RYR1: variants seen among roughly 807,000 people sequenced by gnomAD.
The protein encoded by RYR1 is central core disease of muscle.
RYR1 carries 342 observed loss-of-function variants against 583.5 expected under a neutral mutation model. The observed-to-expected ratio is 0.59, with a 90% confidence interval of 0.54 to 0.64. The LOEUF is 0.64. RYR1 is among the 30% of genes least tolerant of loss of function. The pLI is 0.00. For synonymous variants in RYR1, 2,791 were observed against 2,822.5 expected (o/e 0.99, Z 0.35); for missense variants, 6,032 against 6,917.2 (o/e 0.87, Z 4.54).
intron 73 of RYR1, 108 bp downstream of exon 73, chr19:38,527,892 G>A: frequency 7.3e-7 from 1 of 1,363,840 alleles, no homozygotes. Flanking sequence ...TAAGTTTTGG[G>A]GCAGGGCAGG....
intron 20 of RYR1, among the ~76,000 whole-genome samples, chr19:38,462,582 T>C (rs918450101): frequency 2.0e-5 from 3 of 150,368 alleles, no homozygotes; most frequent in Non-Finnish European, 4.4e-5. Flanking sequence ...CGCTACTGTC[T>C]ACTAGGCTCT....
rs1969601439 is a variant in RYR1, at chr19:38,492,579, G to A, written c.6217G>A (p.Val2073Met). Residue 2073 changes from valine (V) to methionine (M), a missense_variant, in exon 38 of 106, where the codon GTG becomes ATG. Val to Met is a conservative substitution (Grantham distance 21, BLOSUM62 1). Transcript: ENST00000359596. ...LMSLLEKVRL[V>M]KKKEEKPEEE... ...GAGCCTGTTGGAGAAAGTGCGGCTG[G>A]TGAAGAAGAAGGAAGAGAAACCTGA... 1.9e-6 allele frequency: 3 copies of A among 1,611,984 alleles called. No homozygotes were observed. Among genetic ancestry groups the A allele is most frequent in the Non-Finnish European group, 2.5e-6 (3 of 1,178,672 alleles).
intron 27 of RYR1, 55 bp from the exon 28 acceptor site, chr19:38,473,322 A>ACGGCCTGGCCTAGC (rs1968526551): frequency 6.2e-7 from 1 of 1,607,988 alleles, no homozygotes; most frequent in Non-Finnish European, 8.5e-7. Flanking sequence ...TGTAGGACCA[A>ACGGCCTGGCCTAGC]CGGCCTGGCC....
chr19:38,506,165 C>A, intron 54 of RYR1, 138 bp from the exon 55 acceptor site: 4 of 1,052,788 alleles, frequency 3.8e-6, no homozygotes, highest in East Asian at 2.6e-5. Context: ...AGAGACAGGG[C>A]CTTAAGGAAA....
chr19:38,571,667 G>A (rs1973720949), intron 94 of RYR1, among the ~76,000 whole-genome samples: 1 of 152,176 alleles, frequency 6.6e-6, no homozygotes, highest in African/African-American at 2.4e-5. Flanking sequence ...ATGAGTGTGT[G>A]TAAGGCAGTT....
intron 78 of RYR1, 146 bp from the exon 79 acceptor site, chr19:38,534,574 G>A: frequency 2.7e-6 from 2 of 730,470 alleles, no homozygotes; most frequent in Non-Finnish European, 5.0e-6. Flanking sequence ...TCGAGGGTGT[G>A]AGCCCCAGGG....
chr19:38,538,123 C>T (rs368558826), intron 84 of RYR1, among the ~76,000 whole-genome samples, 163 bp downstream of exon 84: 4 of 152,228 alleles, frequency 2.6e-5, no homozygotes, highest in East Asian at 1.9e-4. Context: ...GGAGGCTGGG[C>T]GCAGTGACTC....
chr19:38,566,691 C>T (rs548192177), intron 91 of RYR1, among the ~76,000 whole-genome samples: 2 of 152,090 alleles, frequency 1.3e-5, no homozygotes, highest in Admixed American at 6.6e-5. Context: ...TGGAGTCAGC[C>T]CGACCCTGCG....
intron 50 of RYR1, 85 bp downstream of exon 50, chr19:38,504,445 T>C: frequency 6.5e-7 from 1 of 1,543,770 alleles, no homozygotes; most frequent in South Asian, 1.2e-5. Context: ...TCCCTCAATT[T>C]TGGGGGGTTC....
chr19:38,541,895 C>T (rs1972210227), intron 84 of RYR1, among the ~76,000 whole-genome samples: 1 of 151,494 alleles, frequency 6.6e-6, no homozygotes, highest in African/African-American at 2.4e-5. Flanking sequence ...CCAGCCTGGG[C>T]TGGTCTCAAC....
chr19:38,454,561 A>G (rs1967263099), intron 13 of RYR1, among the ~76,000 whole-genome samples: 1 of 152,234 alleles, frequency 6.6e-6, no homozygotes, highest in African/African-American at 2.4e-5. Flanking sequence ...AAACAGAAAC[A>G]TAAAAAACAA....
At chr19:38,447,063 T>G (rs893056773) in intron 9 of RYR1, among the ~76,000 whole-genome samples, 2 of 151,690 alleles carry the variant, frequency 1.3e-5, no homozygotes, top group Admixed American at 6.6e-5. Flanking sequence ...ATAAAATAAA[T>G]AAAATAAAGA....
Position 38,573,097 on chromosome 19 carries a change from C to A in RYR1, c.13999-80C>A, listed in dbSNP as rs201193928. 2,048 of 1,601,614 alleles carry A rather than the reference C, an allele frequency of 1.3e-3. 6 individuals are homozygous for A. The highest frequency in any genetic ancestry group is 1.4e-3 in the Non-Finnish European group (1,669 of 1,172,688). ...ATGTGGGGTCACACACAGACCCCAG[C>A]AAGATGTCATGGCTTCTGCTGAGAC... On this transcript the variant is annotated intron_variant, in intron 95 of 105. Coordinates refer to ENST00000359596, the MANE Select transcript of RYR1 (RefSeq NM_000540.3).
At chr19:38,492,788 A>G (rs1600795675) in intron 38 of RYR1, 152 bp downstream of exon 38, 2 of 809,372 alleles carry the variant, frequency 2.5e-6, no homozygotes, top group Middle Eastern at 7.4e-4. Context: ...GCAAAGTGGA[A>G]GCAGGCGTGG....
intron 99 of RYR1, 69 bp downstream of exon 99, chr19:38,578,273 G>A (rs1017199488): frequency 1.4e-5 from 22 of 1,518,738 alleles, no homozygotes; most frequent in South Asian, 3.5e-5. Flanking sequence ...TCCCAACGTC[G>A]GGTGTTCCTG....
Position 38,504,736 on chromosome 19 carries a change from C to T in RYR1, c.8068-12C>T, listed in dbSNP as rs576773729. The T allele has an allele frequency of 2.1e-5, 34 of 1,613,714 alleles. 1 individual carries two copies. The highest frequency in any genetic ancestry group is 1.4e-4 in the South Asian group (13 of 91,054). On this transcript the variant is annotated splice_polypyrimidine_tract_variant and intron_variant, in intron 50 of 105. Transcript: ENST00000359596. ...AGCGACCTCCTACCCCTGCTTCACCCGGTTTTCCCAGAAATACGACCCGGA... is the reference window on the plus strand; with the variant it reads ...AGCGACCTCCTACCCCTGCTTCACCTGGTTTTCCCAGAAATACGACCCGGA...
rs373301841 is a variant in RYR1, at chr19:38,455,699, A to G, written c.1739A>G (p.Asn580Ser). The change falls in exon 16 of 106, where the codon AAT becomes AGT. Residue 580 changes from asparagine (N) to serine (S), a missense_variant. By Grantham distance (46) the Asn-to-Ser change is conservative (BLOSUM62 1). Around this residue, in one of 11 missense-constraint regions of RYR1, gnomAD observed 2,627 missense variants for 2,961.3 expected, o/e 0.89. Coordinates refer to ENST00000359596, the MANE Select transcript of RYR1 (RefSeq NM_000540.3). The part of the protein sequence containing the change: ...SPEVLNIIQE[N>S]HIKSIISLLD... ...GAGGTTCTGAACATCATCCAGGAGA[A>G]TCACATCAAGTCCATCATCTCCCTC... The G allele has an allele frequency of 1.4e-5, 22 of 1,613,834 alleles. No homozygotes were observed. Among genetic ancestry groups the G allele is most frequent in the Middle Eastern group, 1.6e-4 (1 of 6,064 alleles).
intron 11 of RYR1, among the ~76,000 whole-genome samples, chr19:38,450,562 G>T (rs1162980574): frequency 6.6e-6 from 1 of 152,080 alleles, no homozygotes; most frequent in Admixed American, 6.6e-5. Context: ...AATGCAGGGG[G>T]TTCCATGGTG....
At position 38,448,386 on chromosome 19, in the gene RYR1, C is replaced by T. The variant is rs773331242; in HGVS notation, c.832C>T (p.Pro278Ser). Residue 278 changes from proline to serine, a missense_variant, in exon 10 of 106, where the codon CCA (proline) becomes TCA (serine). By Grantham distance (74) the Pro-to-Ser change is moderately conservative (BLOSUM62 -1). Transcript: ENST00000359596. ...WSGSHLRWGQ[P>S]LRVRHVTTGQ... ...TGGGAGCCACCTGCGCTGGGGCCAG[C>T]CACTCCGAGTCCGGCATGTCACTAC... 1.2e-6 allele frequency: 2 copies of T among 1,611,364 alleles called. No homozygotes were observed. The highest frequency in any genetic ancestry group is 8.5e-7 in the Non-Finnish European group (1 of 1,179,998).
Sources: gnomAD v4.1 joint callset for allele counts (sites outside exome capture counted in the v4.1 genomes callset) on GRCh38, gnomAD v4.1.1 for gene constraint, gnomAD v4.1.1 regional missense constraint, MANE v1.5 for transcripts, NCBI Gene and HGNC (gene_info 2026-07-23, HGNC 2026-07-21) for gene names.